The following IGSF1 variants were observed in gnomAD, a reference collection of about 807,000 sequenced individuals.
IGSF1 encodes the protein immunoglobulin superfamily member 1.
In IGSF1, 40 loss-of-function variants were observed where a neutral mutation model predicts 95.3. The observed-to-expected ratio is 0.42, with a 90% CI of 0.33 to 0.55. IGSF1 has a LOEUF of 0.55. Ranked by LOEUF, IGSF1 falls within the 20% of genes least tolerant of loss-of-function variation. The pLI is 0.10. For missense variants in IGSF1, 906 were observed against 1,025.4 expected, an observed-to-expected ratio of 0.88 and a Z score of 1.59; for synonymous variants, 372 against 382.9, an observed-to-expected ratio of 0.97 and a Z score of 0.33.
chrX:131,287,302 C>G (rs1262785681), intron 1 of IGSF1, among the ~76,000 whole-genome samples: 3 of 108,816 alleles, frequency 2.8e-5, no homozygotes, highest in African/African-American at 1.0e-4. Context: ...TGCCCAAAGT[C>G]AAAAGATATT....
intron 8 of IGSF1, 135 bp from the exon 9 acceptor site, chrX:131,281,473 A>T (rs1439561776): frequency 3.3e-6 from 3 of 897,189 alleles, no homozygotes; most frequent in Non-Finnish European, 3.2e-6. Context: ...CTTCTTTTTC[A>T]TGGAGAATGG....
In IGSF1 at chrX:131,277,913, C is replaced by T. The variant is rs756135266; in HGVS notation, c.2263G>A (p.Glu755Lys). The change falls in exon 13 of 20, where the codon GAA becomes AAA. Residue 755 changes from glutamate (E) to lysine (K), a missense_variant. This residue lies in a region of IGSF1 where 411 missense variants were observed against 494.9 expected (regional missense o/e 0.83). Transcript: ENST00000361420. ...TCAGACCACTTGAAGGGGCGTTTTT[C>T]AGTGTGAGTGCGGCAGCTGTAATTG... is the stretch of plus-strand genomic sequence containing the variant. ...EGNYSCRTHTEKRPFKWSEPS... is the reference protein window; with the variant it reads ...EGNYSCRTHTKKRPFKWSEPS... The T allele has an allele frequency of 3.3e-6, 4 of 1,210,467 alleles. 1 individual carries two copies. The South Asian group carries it at 5.3e-5, about 16-fold the overall frequency.
chrX:131,275,982 G>A lies in IGSF1; in HGVS notation c.2875C>T (p.Pro959Ser), dbSNP rs1346805502. 1 of 1,209,708 alleles carries A rather than the reference G, an allele frequency of 8.3e-7. No homozygotes were observed. Among genetic ancestry groups the A allele is most frequent in the Non-Finnish European group, 1.1e-6 (1 of 894,072 alleles). ...MSNRGSYLSM[P>S]LMIWVTDTFP... The stretch of plus-strand genomic sequence containing the variant: ...TTACCAGTCACCCAGATCATAAGGG[G>A]CATACTGAGATATGACCCCCTGTTT... The change falls in exon 15 of 20, where the codon CCC becomes TCC. Residue 959 changes from proline (P) to serine (S), a missense_variant. By Grantham distance (74) the Pro-to-Ser change is moderately conservative (BLOSUM62 -1). Coordinates refer to ENST00000361420, the MANE Select transcript of IGSF1 (RefSeq NM_001555.5).
intron 11 of IGSF1, 100 bp from the exon 12 acceptor site, chrX:131,278,851 C>T: frequency 1.3e-6 from 1 of 782,553 alleles, no homozygotes; most frequent in South Asian, 2.5e-5. Flanking sequence ...CCCACCTCCC[C>T]TTGCAACCCA....
chrX:131,278,563 G>C lies in IGSF1; in HGVS notation c.1939C>G (p.Leu647Val). 2 of 1,210,965 alleles carry C rather than the reference G, an allele frequency of 1.7e-6. No homozygotes were observed. Among genetic ancestry groups the C allele is most frequent in the Non-Finnish European group, 2.2e-6 (2 of 894,525 alleles). Residue 647 changes from leucine to valine, a missense_variant, in exon 12 of 20, where the codon CTT becomes GTT. This residue lies in a region of IGSF1 where 40 missense variants were observed against 33.4 expected (regional missense o/e 1.20). Coordinates refer to ENST00000361420, the MANE Select transcript of IGSF1 (RefSeq NM_001555.5). ...ASEQVRAAFP[L>V]GALTQSHTGS... is the part of the protein sequence containing the mutation. ...GTGTGGCTCTGGGTCAGGGCGCCAAGGGGGAAGGCAGCCCGGACCTGCTCT... is the reference window on the plus strand; with the variant it reads ...GTGTGGCTCTGGGTCAGGGCGCCAACGGGGAAGGCAGCCCGGACCTGCTCT...
chrX:131,281,371 T>G, intron 8 of IGSF1, 33 bp from the exon 9 acceptor site: 4 of 1,206,318 alleles, frequency 3.3e-6, no homozygotes, highest in Non-Finnish European at 4.5e-6. Context: ...TCAGAGGCCT[T>G]GATGGGGACA....
chrX:131,275,470 C>A lies in IGSF1; in HGVS notation c.3184+8G>T. The A allele has an allele frequency of 8.3e-7, 1 of 1,207,158 alleles. No individual in the cohort carries two copies. The highest frequency in any genetic ancestry group is 1.1e-6 in the Non-Finnish European group (1 of 891,954). On this transcript the variant is annotated splice_region_variant and intron_variant, in intron 16 of 19. Transcript: ENST00000361420. ...TTCCATGCCCACTCGACAGCCTCTT[C>A]CCCTTACCTGTGACTAGGAGTTCCA...
At position 131,277,135 on chromosome X, in the gene IGSF1, C is replaced by G; in HGVS notation, c.2412G>C (p.Gln804His). The change falls in exon 14 of 20, where the codon CAG becomes CAC. Residue 804 changes from glutamine (Q) to histidine (H), a missense_variant. Gln to His is a conservative substitution (Grantham distance 24). Around this residue, in one of 5 missense-constraint regions of IGSF1, gnomAD observed 411 missense variants for 494.9 expected, o/e 0.83. Transcript: ENST00000361420. Reference protein sequence around the residue: ...RVTFNCSTPHQHMSFILYKDG... With the variant: ...RVTFNCSTPHHHMSFILYKDG... ...CTTTGTAAAGAATAAAGCTCATATG[C>G]TGGTGGGGGGTGGAGCAATTGAAAG... The G allele has an allele frequency of 8.3e-7, 1 of 1,211,203 alleles. No individual in the cohort carries two copies. Among genetic ancestry groups the G allele is most frequent in the Non-Finnish European group, 1.1e-6 (1 of 895,050 alleles).
chrX:131,281,792 C>T lies in IGSF1; in HGVS notation c.1399G>A (p.Gly467Arg), dbSNP rs775966979. The T allele has an allele frequency of 6.6e-6, 8 of 1,209,303 alleles. No homozygotes were observed. The highest frequency in any genetic ancestry group is 3.0e-5 in the East Asian group (1 of 33,745). Residue 467 changes from glycine to arginine, a missense_variant, in exon 8 of 20, where the codon GGA becomes AGA. Gly to Arg is a moderately radical substitution (Grantham distance 125). Around this residue, in one of 5 missense-constraint regions of IGSF1, gnomAD observed 442 missense variants for 448.1 expected, o/e 0.99. Coordinates refer to ENST00000361420, the MANE Select transcript of IGSF1 (RefSeq NM_001555.5). ...RETFQKFSVN[G>R]DFIISNVDGK... ...TCAACATTACTGATGATGAAGTCTC[C>T]GTTTACTGAGAATTTTTGGAATGTT...
At chrX:131,276,376 C>T (rs745823934) in intron 14 of IGSF1, 128 bp from the exon 15 acceptor site, 1 of 514,629 alleles carries the variant, frequency 1.9e-6, no homozygotes, top group South Asian at 3.8e-5. Flanking sequence ...GAAAAAAAAA[C>T]TAATGAAGGA....
chrX:131,281,341 G>A lies in IGSF1; in HGVS notation c.1526-3C>T, dbSNP rs192818408. On this transcript the variant is annotated splice_region_variant and splice_polypyrimidine_tract_variant and intron_variant, in intron 8 of 19. Coordinates refer to ENST00000361420, the MANE Select transcript of IGSF1 (RefSeq NM_001555.5). ...AACGTAATTCCAGGTGAGATAGCCT[G>A]TGGCCAGAGAAGACCAGAATCAGAG... 710 of 1,209,739 alleles carry A rather than the reference G, an allele frequency of 5.9e-4. No individual in the cohort carries two copies. Among genetic ancestry groups the A allele is most frequent in the Non-Finnish European group, 7.6e-4 (680 of 894,849 alleles).
intron 5 of IGSF1, 36 bp downstream of exon 5, chrX:131,285,143 C>G (rs1375373576): frequency 8.7e-7 from 1 of 1,144,768 alleles, no homozygotes; most frequent in Non-Finnish European, 1.2e-6. Flanking sequence ...CCTGGGACAA[C>G]AATTGCCAGA....
Position 131,279,325 on chromosome X carries a change from C to T in IGSF1, c.1663G>A (p.Gly555Arg). The change falls in exon 10 of 20, where the codon GGA becomes AGA. Residue 555 changes from glycine to arginine, a missense_variant. Gly to Arg is a moderately radical substitution (Grantham distance 125). Around this residue, in one of 5 missense-constraint regions of IGSF1, gnomAD observed 442 missense variants for 448.1 expected, o/e 0.99. Transcript: ENST00000361420. ...RLRIREAWLL[G>R]TAQGVTMLFI... ...AGCATGGTGACCCCTTGAGCTGTTC[C>T]CAGCAACCAGGCTTCTCTAGTGAGA... The T allele has an allele frequency of 1.7e-6, 2 of 1,209,379 alleles. No homozygotes were observed. Among genetic ancestry groups the T allele is most frequent in the Non-Finnish European group, 1.1e-6 (1 of 893,435 alleles).
intron 1 of IGSF1, among the ~76,000 whole-genome samples, chrX:131,288,761 C>A (rs2080677473): frequency 9.1e-6 from 1 of 109,877 alleles, no homozygotes; most frequent in Non-Finnish European, 1.9e-5. Flanking sequence ...CCACCCCCAC[C>A]CCCAACTTTG....
At chrX:131,280,097 T>C (rs778537872) in intron 9 of IGSF1, among the ~76,000 whole-genome samples, 9 of 111,762 alleles carry the variant, frequency 8.1e-5, no homozygotes, top group Non-Finnish European at 1.5e-4. Flanking sequence ...GTTCCTGATC[T>C]TATTCTTTGA....
chrX:131,277,980 T>A lies in IGSF1; in HGVS notation c.2196A>T (p.Glu732Asp). 2 of 1,211,534 alleles carry A rather than the reference T, an allele frequency of 1.7e-6. No homozygotes were observed. Among genetic ancestry groups the A allele is most frequent in the East Asian group, 5.9e-5 (2 of 33,823 alleles). Residue 732 changes from glutamate (E) to aspartate (D), a missense_variant, in exon 13 of 20, where the codon GAA becomes GAT. This residue lies in a region of IGSF1 where 411 missense variants were observed against 494.9 expected (regional missense o/e 0.83). Coordinates refer to ENST00000361420, the MANE Select transcript of IGSF1 (RefSeq NM_001555.5). ...PVQQLGAVGR[E>D]AFFTIQRMED... ...CCATTCTCTGGATTGTAAAGAAGGC[T>A]TCTCTTCCAACAGCACCAAGTTGCT... is the stretch of plus-strand genomic sequence containing the variant.
At chrX:131,284,911 G>T in intron 5 of IGSF1, 1 of 749,836 alleles carries the variant, frequency 1.3e-6, no homozygotes, top group Non-Finnish European at 1.7e-6. Flanking sequence ...TATTCAACAA[G>T]TTGAGAACAA....
At chrX:131,275,857 G>GT (rs1439999425) in intron 15 of IGSF1, 92 bp from the exon 16 acceptor site, 25 of 1,145,420 alleles carry the variant, frequency 2.2e-5, no homozygotes, top group Non-Finnish European at 3.0e-5. Flanking sequence ...CTTGGGCACG[G>GT]TAGTTCCCCT....
rs762679632 is a variant in IGSF1, at chrX:131,276,929, C to G, written c.2608+10G>C. ...TGGCACCACCTCTACCTGGAGTCCC[C>G]CCTCCTAACCTGTCACCACGAGCTC... On this transcript the variant is annotated intron_variant, in intron 14 of 19. Coordinates refer to ENST00000361420, the MANE Select transcript of IGSF1 (RefSeq NM_001555.5). 3 of 1,203,900 alleles carry G rather than the reference C, an allele frequency of 2.5e-6. No homozygotes were observed. The East Asian group carries it at 8.9e-5, about 36-fold the overall frequency.
Sources: gnomAD v4.1 joint callset for allele counts (sites outside exome capture counted in the v4.1 genomes callset) on GRCh38, gnomAD v4.1.1 for gene constraint, gnomAD v4.1.1 regional missense constraint, MANE v1.5 for transcripts, NCBI Gene and HGNC (gene_info 2026-07-23, HGNC 2026-07-21) for gene names.